The following DSG3 variants were observed in gnomAD, a reference collection of about 807,000 sequenced individuals.
The protein encoded by DSG3 is desmoglein-3.
In DSG3, 63 loss-of-function variants were observed where a neutral mutation model predicts 85.9. That is an observed-to-expected ratio of 0.73 (90% CI 0.60 to 0.90). DSG3 has a LOEUF of 0.90. DSG3 is among the 40% of genes least tolerant of loss of function. DSG3 has a pLI of 0.00. For missense variants in DSG3, 1,220 were observed against 1,219.9 expected (o/e 1.00, Z 0.00); for synonymous variants, 447 against 441.9 (o/e 1.01, Z -0.14).
intron 7 of DSG3, 112 bp downstream of exon 7, chr18:31,461,073 TTAAA>T: frequency 7.8e-6 from 10 of 1,282,940 alleles, no homozygotes; most frequent in Non-Finnish European, 1.0e-5. Context: ...GCACTTATCT[TTAAA>T]GAAATATGCT....
intron 12 of DSG3, among the ~76,000 whole-genome samples, chr18:31,469,861 A>C (rs1019094075): frequency 3.3e-5 from 5 of 151,688 alleles, no homozygotes; most frequent in African/African-American, 9.7e-5. Context: ...ATAGCATATG[A>C]TATTAATATT....
chr18:31,469,383 A>C, intron 12 of DSG3, 34 bp downstream of exon 12: 2 of 1,607,906 alleles, frequency 1.2e-6, no homozygotes, highest in Non-Finnish European at 1.7e-6. Context: ...CTGTTGGACC[A>C]GGTGTCCTCA....
In DSG3 at chr18:31,454,676, T is replaced by G. The variant is rs533300165; in HGVS notation, c.49-1764T>G. Among the ~76,000 whole-genome samples, 523 of 151,790 alleles carry G rather than the reference T, an allele frequency of 3.4e-3. 2 individuals carry two copies. The highest frequency in any genetic ancestry group is 0.02 in the Middle Eastern group (6 of 294). ...ATTTTCTTTGTACCATTAGTTTGTT[T>G]TTTTTTTTTTTCTCTTTATGACAAC... is the stretch of plus-strand genomic sequence containing the variant. On this transcript the variant is annotated intron_variant, in intron 1 of 15. Transcript: ENST00000257189.
At chr18:31,453,949 AAATT>A (rs1329557942) in intron 1 of DSG3, among the ~76,000 whole-genome samples, 3 of 152,116 alleles carry the variant, frequency 2.0e-5, no homozygotes, top group Non-Finnish European at 4.4e-5. Flanking sequence ...AAAAACACAT[AAATT>A]GTTTTTAAAA....
intron 9 of DSG3, 116 bp from the exon 10 acceptor site, chr18:31,465,202 T>G (rs2144277440): frequency 1.5e-6 from 1 of 674,452 alleles, no homozygotes; most frequent in African/African-American, 1.9e-5. Flanking sequence ...AAAAGCATAT[T>G]TCAATGTGAA....
At chr18:31,450,968 T>C (rs2072707880) in intron 1 of DSG3, among the ~76,000 whole-genome samples, 3 of 152,172 alleles carry the variant, frequency 2.0e-5, no homozygotes, top group Admixed American at 6.5e-5. Context: ...TGTCTTGAGC[T>C]AAAAAGTATA....
intron 1 of DSG3, among the ~76,000 whole-genome samples, chr18:31,455,731 C>T (rs2072738246): frequency 6.6e-6 from 1 of 152,072 alleles, no homozygotes; most frequent in East Asian, 1.9e-4. Flanking sequence ...AAGGTGAAGA[C>T]CCTAGCCTAC....
chr18:31,465,257 C>A, intron 9 of DSG3, 61 bp from the exon 10 acceptor site: 1 of 1,192,288 alleles, frequency 8.4e-7, no homozygotes, highest in South Asian at 3.3e-5. Context: ...GAGTCATTTT[C>A]ATTAAATATG....
In DSG3 at chr18:31,461,196, A is replaced by G. The variant is rs543036476; in HGVS notation, c.814-31A>G. 18 of 1,566,364 alleles carry G rather than the reference A, an allele frequency of 1.1e-5. No homozygotes were observed. The Admixed American group carries it at 2.3e-4, about 20-fold the overall frequency. ...ATCTCTCCATGTAAAACCTGTCATT[A>G]GGTCTTTAATTCTGCTTCTCGCCTT... On this transcript the variant is annotated intron_variant, in intron 7 of 15. Coordinates refer to ENST00000257189, the MANE Select transcript of DSG3 (RefSeq NM_001944.3).
chr18:31,476,554 C>T lies in DSG3; in HGVS notation c.*294C>T. 1 of 285,392 alleles carries T rather than the reference C, an allele frequency of 3.5e-6. No homozygotes were observed. Among genetic ancestry groups the T allele is most frequent in the Non-Finnish European group, 6.5e-6 (1 of 154,134 alleles). The allele number at this position is 285,392 out of a possible 1,614,324, so 17.7% of individuals were successfully genotyped here. On this transcript the variant is annotated 3_prime_UTR_variant, in exon 16 of 16. Transcript: ENST00000257189. ...AACATTCTTAAGCTTCTATTTTTCC[C>T]CTGCCAAAGGAAGGTGTTTATCATT...
chr18:31,453,383 G>A (rs1454924139), intron 1 of DSG3, among the ~76,000 whole-genome samples: 2 of 151,680 alleles, frequency 1.3e-5, no homozygotes, highest in Non-Finnish European at 2.9e-5. Context: ...CCACACTAAA[G>A]CATGAGGTAA....
intron 1 of DSG3, among the ~76,000 whole-genome samples, chr18:31,450,136 T>C (rs770992628): frequency 1.2e-4 from 19 of 152,254 alleles, no homozygotes; most frequent in Non-Finnish European, 2.2e-4. Flanking sequence ...TGGACAGTAC[T>C]GGTCTACTAT....
At chr18:31,450,907 CT>C (rs1211819577) in intron 1 of DSG3, among the ~76,000 whole-genome samples, 1 of 152,088 alleles carries the variant, frequency 6.6e-6, no homozygotes, top group Non-Finnish European at 1.5e-5. Context: ...GTCTTACTAT[CT>C]TAAATAACCA....
intron 1 of DSG3, among the ~76,000 whole-genome samples, chr18:31,452,966 G>T (rs989545865): frequency 6.6e-6 from 1 of 152,076 alleles, no homozygotes; most frequent in African/African-American, 2.4e-5. Flanking sequence ...CTAAAAATCA[G>T]TTATTGGAAA....
chr18:31,475,779 AC>A lies in DSG3; in HGVS notation c.2521del (p.Leu841TrpfsTer19). 1 of 1,614,138 alleles carries A rather than the reference AC, an allele frequency of 6.2e-7. No homozygotes were observed. Among genetic ancestry groups the A allele is most frequent in the Non-Finnish European group, 8.5e-7 (1 of 1,180,026 alleles). ...GGTTGTTGCAGTTTTATTGCTGATGACCTGGATGACAGCTTCTTGGACTCAC... is the reference window on the plus strand; with the variant it reads ...GGTTGTTGCAGTTTTATTGCTGATGACTGGATGACAGCTTCTTGGACTCAC... ...SVGCCSFIAD[D>X]LDDSFLDSLG... On this transcript the variant is annotated frameshift_variant, in exon 16 of 16. Transcript: ENST00000257189. LOFTEE classifies it low-confidence loss of function (END_TRUNC).
At position 31,466,434 on chromosome 18, in the gene DSG3, T is replaced by A. The variant is rs550591381; in HGVS notation, c.1412-96T>A. 5 of 1,041,260 alleles carry A rather than the reference T, an allele frequency of 4.8e-6. No homozygotes were observed. The African/African-American group carries it at 7.9e-5, about 16-fold the overall frequency. The allele number at this position is 1,041,260 out of a possible 1,614,324, so 64.5% of individuals were successfully genotyped here. ...TATAGTATTTCATGAGAAGACACACTGAGTTGGCTACAGAAAAGAGAAATG... is the reference window on the plus strand; with the variant it reads ...TATAGTATTTCATGAGAAGACACACAGAGTTGGCTACAGAAAAGAGAAATG... On this transcript the variant is annotated intron_variant, in intron 10 of 15. Coordinates refer to ENST00000257189, the MANE Select transcript of DSG3 (RefSeq NM_001944.3).
rs2072859912 is a variant in DSG3 at position 31,472,282 on chromosome 18, A to G, written c.1898-2A>G. 2.5e-6 allele frequency: 4 copies of G among 1,614,072 alleles called. No individual in the cohort carries two copies. Among genetic ancestry groups the G allele is most frequent in the Non-Finnish European group, 3.4e-6 (4 of 1,179,960 alleles). On this transcript the variant is annotated splice_acceptor_variant, in intron 12 of 15. Coordinates refer to ENST00000257189, the MANE Select transcript of DSG3 (RefSeq NM_001944.3). LOFTEE classifies it high-confidence loss of function. ...CTGATGTTTTGTTTTGTTTTTCACT[A>G]GTGGCCCCCCTTCTGCTGTTGACCT...
At chr18:31,472,613 T>C in intron 13 of DSG3, 112 bp from the exon 14 acceptor site, 1 of 1,305,032 alleles carries the variant, frequency 7.7e-7, no homozygotes. Flanking sequence ...CTGAAAGAAT[T>C]TGCACTTCTT....
chr18:31,455,475 G>A (rs60094806), intron 1 of DSG3, among the ~76,000 whole-genome samples: 38,947 of 151,854 alleles, frequency 0.26, 5,628 homozygotes, highest in African/African-American at 0.41. Flanking sequence ...ATTCTTTCAT[G>A]TGCATAAAAC....
Sources: allele counts gnomAD v4.1 joint callset (sites outside exome capture counted in the v4.1 genomes callset), GRCh38; gene constraint gnomAD v4.1.1; transcripts MANE v1.5; gene names NCBI Gene and HGNC (gene_info 2026-07-23, HGNC 2026-07-21).